The following OXCT1 variants were observed in gnomAD, a reference collection of about 807,000 sequenced individuals.
OXCT1 encodes the protein succinyl-CoA:3-ketoacid coenzyme A transferase 1, mitochondrial.
In OXCT1, 27 loss-of-function variants were observed where a neutral mutation model predicts 69.6. That is an observed-to-expected ratio of 0.39 (90% CI 0.29 to 0.54). The LOEUF is 0.54. OXCT1 is among the 20% of genes least tolerant of loss of function. The pLI is 0.72. For missense variants in OXCT1, 437 were observed against 650.2 expected, an observed-to-expected ratio of 0.67 and a Z score of 3.57; for synonymous variants, 202 against 217.8, an observed-to-expected ratio of 0.93 and a Z score of 0.64.
intron 13 of OXCT1, among the ~76,000 whole-genome samples, chr5:41,771,529 A>G (rs1744869972): frequency 6.6e-6 from 1 of 152,128 alleles, no homozygotes. Flanking sequence ...AGAAAAACGT[A>G]CTCCTAGCTC....
chr5:41,807,254 C>G, intron 8 of OXCT1, 77 bp downstream of exon 8: 5 of 813,968 alleles, frequency 6.1e-6, no homozygotes, highest in Non-Finnish European at 1.1e-5. Flanking sequence ...AGTTCCCCAT[C>G]ATCTCGAATG....
chr5:41,861,873 G>C (rs545077598), intron 2 of OXCT1, among the ~76,000 whole-genome samples: 1 of 152,296 alleles, frequency 6.6e-6, no homozygotes, highest in South Asian at 2.1e-4. Context: ...ACTTGAATGA[G>C]TGGAGATCAA....
intron 7 of OXCT1, among the ~76,000 whole-genome samples, chr5:41,827,638 C>T (rs1465922827): frequency 1.3e-5 from 2 of 152,156 alleles, no homozygotes; most frequent in Admixed American, 1.3e-4. Context: ...CATCACTAAC[C>T]TTGGCTGTTT....
chr5:41,861,916 A>T (rs147180005), intron 2 of OXCT1, among the ~76,000 whole-genome samples: 26 of 152,308 alleles, frequency 1.7e-4, no homozygotes, highest in Non-Finnish European at 3.2e-4. Context: ...TATTTATCAG[A>T]AGCAGGCAGC....
rs148562121 is a variant in OXCT1 at position 41,832,333 on chromosome 5, C to CAGAGAG, written c.732+8112_732+8117dup. On this transcript the variant is annotated intron_variant, in intron 7 of 16. Transcript: ENST00000196371. ...ACCCCCAGTTCCAGGCGGTTCAGCA[C>CAGAGAG]AGAGAGAGAGAGAGAGAGAGAGAGA... Among the ~76,000 whole-genome samples, 569 of 147,120 alleles carry CAGAGAG rather than the reference C, an allele frequency of 3.9e-3. 2 individuals carry two copies. The highest frequency in any genetic ancestry group is 6.9e-3 in the Middle Eastern group (2 of 288).
intron 13 of OXCT1, among the ~76,000 whole-genome samples, chr5:41,767,484 C>A (rs1184115705): frequency 1.3e-5 from 2 of 151,476 alleles, no homozygotes; most frequent in Admixed American, 6.6e-5. Context: ...CTCTCTTGTT[C>A]CTGTTCTCTC....
intron 14 of OXCT1, among the ~76,000 whole-genome samples, chr5:41,756,664 T>C (rs972110551): frequency 7.9e-5 from 12 of 152,096 alleles, no homozygotes; most frequent in Admixed American, 7.9e-4. Context: ...TCGGTGCTTA[T>C]AACAGAGCCC....
At chr5:41,734,428 T>C (rs1742788553) in intron 16 of OXCT1, among the ~76,000 whole-genome samples, 1 of 152,198 alleles carries the variant, frequency 6.6e-6, no homozygotes, top group Admixed American at 6.5e-5. Flanking sequence ...ACAACCCAAA[T>C]AACCAATTGA....
chr5:41,869,372 G>T (rs1016501764), intron 1 of OXCT1, among the ~76,000 whole-genome samples: 1 of 152,232 alleles, frequency 6.6e-6, no homozygotes, highest in East Asian at 1.9e-4. Flanking sequence ...CGGGGATAAA[G>T]CCACCCTCCT....
intron 13 of OXCT1, among the ~76,000 whole-genome samples, chr5:41,773,142 G>A (rs943413795): frequency 1.3e-5 from 2 of 152,156 alleles, no homozygotes; most frequent in African/African-American, 2.4e-5. Flanking sequence ...GATTCAAAGA[G>A]CATTAATTTC....
At chr5:41,732,608 C>A (rs1035170640) in intron 16 of OXCT1, among the ~76,000 whole-genome samples, 4 of 152,068 alleles carry the variant, frequency 2.6e-5, no homozygotes, top group Admixed American at 2.0e-4. Context: ...GCAGGAAATA[C>A]CAAAAATTGG....
chr5:41,856,203 A>G (rs1749423296), intron 3 of OXCT1, among the ~76,000 whole-genome samples: 1 of 152,210 alleles, frequency 6.6e-6, no homozygotes, highest in African/African-American at 2.4e-5. Flanking sequence ...AACAACCAAC[A>G]GTGAGAGTCT....
At chr5:41,860,127 C>A (rs979850988) in intron 3 of OXCT1, among the ~76,000 whole-genome samples, 4 of 151,690 alleles carry the variant, frequency 2.6e-5, no homozygotes, top group African/African-American at 9.7e-5. Context: ...TAAGAGTTAT[C>A]GAGTTGTCTT....
chr5:41,787,456 G>A (rs1462640460), intron 13 of OXCT1, among the ~76,000 whole-genome samples: 1 of 151,920 alleles, frequency 6.6e-6, no homozygotes, highest in African/African-American at 2.4e-5. Context: ...TGGCTTCAGA[G>A]AGCCTGAGGC....
At chr5:41,749,720 A>T (rs1264762074) in intron 14 of OXCT1, 113 bp from the exon 15 acceptor site, 6 of 719,906 alleles carry the variant, frequency 8.3e-6, no homozygotes, top group Non-Finnish European at 9.8e-6. Context: ...CTAAGTAAAG[A>T]CTCTTTCAGA....
chr5:41,799,850 C>T (rs1746346732), intron 11 of OXCT1, among the ~76,000 whole-genome samples: 1 of 152,170 alleles, frequency 6.6e-6, no homozygotes, highest in Admixed American at 6.5e-5. Context: ...TTCTAAGTAT[C>T]AAACATCAAT....
At chr5:41,774,907 AAATAAATAAGTG>A (rs1230682942) in intron 13 of OXCT1, among the ~76,000 whole-genome samples, 2 of 152,134 alleles carry the variant, frequency 1.3e-5, no homozygotes, top group African/African-American at 4.8e-5. Context: ...AAAATAAAAT[AAATAAATAAGTG>A]AATAAATAAA....
rs144243259 is a variant in OXCT1 at position 41,862,911 on chromosome 5, T to C, written c.79-161A>G. On this transcript the variant is annotated intron_variant, in intron 1 of 16. Coordinates refer to ENST00000196371, the MANE Select transcript of OXCT1 (RefSeq NM_000436.4). ...GTAATAACTGTATATAATGTATATA[T>C]TTATACAGGTAATACATGTATATAT... Among the ~76,000 whole-genome samples the C allele has an allele frequency of 5.5e-3, 839 of 152,306 alleles. 5 individuals carry two copies. The highest frequency in any genetic ancestry group is 9.2e-3 in the Non-Finnish European group (624 of 68,026).
chr5:41,755,368 AT>A (rs780567868), intron 14 of OXCT1, among the ~76,000 whole-genome samples: 4 of 152,060 alleles, frequency 2.6e-5, no homozygotes, highest in Admixed American at 1.3e-4. Context: ...TTAAAGGTGA[AT>A]TTTTTTTCCC....
Sources: gnomAD v4.1 joint callset for allele counts (sites outside exome capture counted in the v4.1 genomes callset) on GRCh38, gnomAD v4.1.1 for gene constraint, MANE v1.5 for transcripts, NCBI Gene and HGNC (gene_info 2026-07-23, HGNC 2026-07-21) for gene names.